ZNF384: variants seen among roughly 807,000 people sequenced by gnomAD.
ZNF384 encodes the protein zinc finger protein 384, also known as CAG repeat protein 1.
In ZNF384, 20 loss-of-function variants were observed where a neutral mutation model predicts 65.0. The ratio of observed to expected loss-of-function variants is 0.31; its 90% CI spans 0.22 to 0.45. The LOEUF (loss-of-function observed/expected upper bound fraction) is 0.45. ZNF384 is among the 20% of genes least tolerant of loss of function. The pLI is 1.00. For missense variants in ZNF384, 549 were observed against 769.4 expected (o/e 0.71, Z 3.39); for synonymous variants, 310 against 303.9 (o/e 1.02, Z -0.21).
intron 2 of ZNF384, among the ~76,000 whole-genome samples, chr12:6,681,132 T>C (rs769182509): frequency 1.3e-5 from 2 of 151,680 alleles, no homozygotes; most frequent in East Asian, 1.9e-4. Context: ...GGCAAGAGAA[T>C]TGCTTGAACC....
intron 2 of ZNF384, among the ~76,000 whole-genome samples, chr12:6,684,960 C>A (rs1957367934): frequency 6.6e-6 from 1 of 152,178 alleles, no homozygotes; most frequent in South Asian, 2.1e-4. Flanking sequence ...AACATTCAAT[C>A]AGGCACATAT....
intron 2 of ZNF384, among the ~76,000 whole-genome samples, chr12:6,684,689 A>G (rs565146984): frequency 1.3e-5 from 2 of 152,322 alleles, no homozygotes; most frequent in East Asian, 1.9e-4. Flanking sequence ...TCATCCAACT[A>G]TAAGCAACCT....
rs1264868406 is a variant in ZNF384 at position 6,678,468 on chromosome 12, T to A, written c.353-8A>T. The A allele has an allele frequency of 6.4e-7, 1 of 1,573,206 alleles. No individual in the cohort carries two copies. Among genetic ancestry groups the A allele is most frequent in the Non-Finnish European group, 8.6e-7 (1 of 1,158,040 alleles). On this transcript the variant is annotated splice_region_variant and splice_polypyrimidine_tract_variant and intron_variant, in intron 5 of 11. Transcript: ENST00000683879. This position sits in a 1 kb window ranked among gnomAD's most constrained non-coding sequence, Gnocchi z 4.9. ...TGATTACCAAACCCGGACCTAGGAT[T>A]GGGAGAAAAAGGAGATGGCGTCATG...
chr12:6,668,203 G>A (rs2136354486), intron 11 of ZNF384, 88 bp from the exon 12 acceptor site: 11 of 1,296,050 alleles, frequency 8.5e-6, no homozygotes, highest in African/African-American at 4.5e-5. Context: ...TGATTCTGCT[G>A]TAAGCAGAGT....
At chr12:6,684,657 G>C (rs1372110971) in intron 2 of ZNF384, among the ~76,000 whole-genome samples, 1 of 152,084 alleles carries the variant, frequency 6.6e-6, no homozygotes, top group Non-Finnish European at 1.5e-5. Context: ...CAGCCCAAAA[G>C]GGAGACCACA....
In ZNF384 at chr12:6,678,258, A is replaced by C; in HGVS notation, c.555T>G (p.Ser185Arg). The stretch of plus-strand genomic sequence containing the variant: ...GGCCCCGGGGTGGCTTAGGAGCCAC[A>C]CTGCCACCTCCACCACCACCTCCGC... The part of the protein sequence containing the change: ...EGGGGGGGGG[S>R]VAPKPPRGRK... Residue 185 changes from serine to arginine, a missense_variant, in exon 6 of 12, where the codon AGT (serine) becomes AGG (arginine). Ser to Arg is a moderately radical substitution (Grantham distance 110). Around this residue, in one of 5 missense-constraint regions of ZNF384, gnomAD observed 277 missense variants for 337.2 expected, o/e 0.82. Coordinates refer to ENST00000683879, the MANE Select transcript of ZNF384 (RefSeq NM_001385745.1). This position sits in a 1 kb window ranked among gnomAD's most constrained non-coding sequence, Gnocchi z 4.9. The C allele has an allele frequency of 1.2e-6, 2 of 1,614,180 alleles. No individual in the cohort carries two copies. Among genetic ancestry groups the C allele is most frequent in the Non-Finnish European group, 1.7e-6 (2 of 1,180,030 alleles).
At chr12:6,669,554 C>T (rs1211810612) in intron 10 of ZNF384, among the ~76,000 whole-genome samples, 2 of 151,298 alleles carry the variant, frequency 1.3e-5, no homozygotes, top group Admixed American at 6.6e-5. Context: ...GGTTGGAGTG[C>T]AGCGGCACAA....
chr12:6,676,492 G>A (rs777907855), intron 7 of ZNF384, among the ~76,000 whole-genome samples: 4 of 152,108 alleles, frequency 2.6e-5, no homozygotes, highest in Non-Finnish European at 5.9e-5. Context: ...CTGTATATGT[G>A]CATTTCTTTT....
chr12:6,669,238 C>T (rs780619966), intron 10 of ZNF384, 49 bp from the exon 11 acceptor site: 2 of 1,547,042 alleles, frequency 1.3e-6, no homozygotes, highest in Non-Finnish European at 8.8e-7. Context: ...CTCTTTCCTC[C>T]TGCCCCCTTG....
intron 2 of ZNF384, among the ~76,000 whole-genome samples, chr12:6,687,790 C>G (rs1958499390): frequency 1.3e-5 from 2 of 152,138 alleles, no homozygotes; most frequent in Non-Finnish European, 2.9e-5. Context: ...TCTGCTTGTT[C>G]CAGACACAGG....
chr12:6,678,550 C>G lies in ZNF384; in HGVS notation c.353-90G>C. ...TTCCCCCAGATCATTGTCTAATTAA[C>G]CCCTCACCCCCCCGCCGACCCAACC... On this transcript the variant is annotated intron_variant, in intron 5 of 11. Coordinates refer to ENST00000683879, the MANE Select transcript of ZNF384 (RefSeq NM_001385745.1). This position sits in a 1 kb window ranked among gnomAD's most constrained non-coding sequence, Gnocchi z 4.9. 6.6e-7 allele frequency: 1 copy of G among 1,518,244 alleles called. No homozygotes were observed. The highest frequency in any genetic ancestry group is 9.0e-7 in the Non-Finnish European group (1 of 1,108,050). The allele number at this position is 1,518,244 out of a possible 1,614,324, so 94.0% of individuals were successfully genotyped here.
chr12:6,684,650 C>T (rs1388997261), intron 2 of ZNF384, among the ~76,000 whole-genome samples: 2 of 152,090 alleles, frequency 1.3e-5, no homozygotes, highest in South Asian at 2.1e-4. Context: ...AATAGGTCAG[C>T]CCAAAAGGGA....
At position 6,673,603 on chromosome 12, in the gene ZNF384, G is replaced by C. The variant is rs1247541608; in HGVS notation, c.780-163C>G. Among the ~76,000 whole-genome samples the C allele has an allele frequency of 6.6e-6, 1 of 152,092 alleles. No homozygotes were observed. Among genetic ancestry groups the C allele is most frequent in the East Asian group, 1.9e-4 (1 of 5,196 alleles). ...TCTTTATGGCCTAAGCTTCTAACATGGTGCCCAGCACATTATAAATATTCA... is the reference window on the plus strand; with the variant it reads ...TCTTTATGGCCTAAGCTTCTAACATCGTGCCCAGCACATTATAAATATTCA... On this transcript the variant is annotated intron_variant, in intron 7 of 11. Coordinates refer to ENST00000683879, the MANE Select transcript of ZNF384 (RefSeq NM_001385745.1). The surrounding 1 kb of genome is among the most constrained non-coding windows in gnomAD (Gnocchi z 4.7).
intron 7 of ZNF384, among the ~76,000 whole-genome samples, chr12:6,675,834 G>A (rs1212130912): frequency 6.6e-6 from 1 of 152,130 alleles, no homozygotes; most frequent in Non-Finnish European, 1.5e-5. Context: ...CAAGACAGAT[G>A]AAGGCATGGC....
chr12:6,673,432 A>G lies in ZNF384; in HGVS notation c.788T>C (p.Met263Thr). 6.2e-7 allele frequency: 1 copy of G among 1,613,986 alleles called. No homozygotes were observed. The highest frequency in any genetic ancestry group is 8.5e-7 in the Non-Finnish European group (1 of 1,179,962). ...CTTGGAGTAGAATGTCAGTGAGCAC[A>G]TCCGGCACCTGAGCCAAGTGAGGGC... is the stretch of plus-strand genomic sequence containing the variant. ...TNLLCDPGCR[M>T]CSLTFYSKSE... is the part of the protein sequence containing the mutation. Residue 263 changes from methionine (M) to threonine (T), a missense_variant, in exon 8 of 12, where the codon ATG becomes ACG. Transcript: ENST00000683879. The surrounding 1 kb of genome is among the most constrained non-coding windows in gnomAD (Gnocchi z 4.7).
Position 6,667,819 on chromosome 12 carries a change from C to T in ZNF384, c.1722G>A (p.Gln574=), listed in dbSNP as rs1394992455. Residue 574 remains glutamine (Q), a synonymous_variant, in exon 12 of 12, where the codon CAG becomes CAA. Transcript: ENST00000683879. The part of the protein sequence containing the change: ...GGDSNPNPPP[Q]CSFDLTPYKT... ...TATACGGGGTCAGGTCAAAGGAACA[C>T]TGGGGTGGAGGGTTGGGATTGCTGT... The T allele has an allele frequency of 6.2e-7, 1 of 1,614,220 alleles. No homozygotes were observed. Among genetic ancestry groups the T allele is most frequent in the East Asian group, 2.2e-5 (1 of 44,874 alleles).
In ZNF384 at chr12:6,667,980, C is replaced by T. The variant is rs755029821; in HGVS notation, c.1561G>A (p.Ala521Thr). The T allele has an allele frequency of 3.7e-6, 6 of 1,611,846 alleles. No individual in the cohort carries two copies. Among genetic ancestry groups the T allele is most frequent in the East Asian group, 2.2e-5 (1 of 44,848 alleles). The change falls in exon 12 of 12, where the codon GCC becomes ACC. Residue 521 changes from alanine (A) to threonine (T), a missense_variant. Ala to Thr is a moderately conservative substitution (Grantham distance 58). Around this residue, in one of 5 missense-constraint regions of ZNF384, gnomAD observed 136 missense variants for 183.0 expected, o/e 0.74. Coordinates refer to ENST00000683879, the MANE Select transcript of ZNF384 (RefSeq NM_001385745.1). ...TGGGAGGCCTGGGCCTGGGCCTGGG[C>T]TTGAGCCTGAGCCTGAGCCTGGGCT... ...AQAQAQAQAQ[A>T]QAQAQASQAS...
At chr12:6,684,933 T>C (rs1957358326) in intron 2 of ZNF384, among the ~76,000 whole-genome samples, 1 of 152,150 alleles carries the variant, frequency 6.6e-6, no homozygotes, top group African/African-American at 2.4e-5. Flanking sequence ...GTGGAGGAAA[T>C]TTCTCCAAAT....
intron 10 of ZNF384, among the ~76,000 whole-genome samples, chr12:6,670,000 C>T (rs1171096165): frequency 1.3e-5 from 2 of 152,074 alleles, no homozygotes; most frequent in Non-Finnish European, 1.5e-5. Context: ...ATCTTGTTCC[C>T]CTCAAAATTT....
Sources: gnomAD v4.1 joint callset for allele counts (sites outside exome capture counted in the v4.1 genomes callset) on GRCh38, gnomAD v4.1.1 for gene constraint, gnomAD v4.1.1 regional missense constraint, Gnocchi (gnomAD v3.1) non-coding constraint, MANE v1.5 for transcripts, NCBI Gene and HGNC (gene_info 2026-07-23, HGNC 2026-07-21) for gene names.